FTO: variants seen among roughly 807,000 people sequenced by gnomAD.
FTO encodes the protein FTO alpha-ketoglutarate dependent dioxygenase, also known as alpha-ketoglutarate-dependent dioxygenase FTO.
Under a neutral mutation model 63.9 loss-of-function variants are expected in FTO, and 47 were observed. That is an observed-to-expected ratio of 0.74 (90% CI 0.58 to 0.94). The LOEUF (loss-of-function observed/expected upper bound fraction) is 0.94, where lower values mean the gene tolerates loss of function less well. Ranked by LOEUF, FTO falls within the 40% of genes least tolerant of loss-of-function variation. FTO has a pLI of 0.00. For missense variants in FTO, 562 were observed against 618.1 expected (o/e 0.91, Z 0.96); for synonymous variants, 207 against 224.4 (o/e 0.92, Z 0.69).
intron 1 of FTO, among the ~76,000 whole-genome samples, chr16:53,764,864 C>T (rs1176579430): frequency 6.6e-6 from 1 of 151,936 alleles, no homozygotes; most frequent in African/African-American, 2.4e-5. Flanking sequence ...GGATTACAGG[C>T]GCATGTCACC....
chr16:53,980,763 G>A (rs1340367641), intron 8 of FTO, among the ~76,000 whole-genome samples: 2 of 152,206 alleles, frequency 1.3e-5, no homozygotes, highest in Non-Finnish European at 2.9e-5. Flanking sequence ...AAGTTCCTAA[G>A]TAAAGAAGCT....
rs559407164 is a variant in FTO at position 54,111,654 on chromosome 16, C to T, written c.1365-108C>T. The T allele has an allele frequency of 2.8e-5, 33 of 1,183,564 alleles. No individual in the cohort carries two copies. In the East Asian group the frequency reaches 4.2e-4, roughly 15 times the overall value. 73.3% of individuals were successfully genotyped at this position (1,183,564 alleles called of 1,614,324 possible). The stretch of plus-strand genomic sequence containing the variant: ...CAGTCGTCACCATGACCTTCACCCC[C>T]GAGGACTGTCTTTGGAGCATTGGCC... On this transcript the variant is annotated intron_variant, in intron 8 of 8. Transcript: ENST00000471389.
At position 54,065,098 on chromosome 16, in the gene FTO, CATTTTATTTTATTTT is replaced by C. The variant is rs36221204; in HGVS notation, c.1365-46619_1365-46605del. Among the ~76,000 whole-genome samples the C allele has an allele frequency of 7.6e-3, 933 of 122,454 alleles. 16 individuals are homozygous for C. The highest frequency in any genetic ancestry group is 0.027 in the African/African-American group (868 of 32,312). 80.3% of individuals were successfully genotyped at this position (122,454 alleles called of 152,430 possible). On this transcript the variant is annotated intron_variant, in intron 8 of 8. Coordinates refer to ENST00000471389, the MANE Select transcript of FTO (RefSeq NM_001080432.3). ...TGGGGACAGCTGAGTGTTAGCATAA[CATTTTATTTTATTTT>C]ATTTTATTTTATTTTATTTTATTTT...
chr16:54,015,526 CACAAATGCCCAT>C (rs1363577366), intron 8 of FTO, among the ~76,000 whole-genome samples: 7 of 151,850 alleles, frequency 4.6e-5, no homozygotes, highest in African/African-American at 1.7e-4. Flanking sequence ...ATGCCCATGG[CACAAATGCCCAT>C]GGCAAAAGGA....
intron 1 of FTO, among the ~76,000 whole-genome samples, chr16:53,761,119 C>T (rs1049879644): frequency 1.3e-5 from 2 of 150,760 alleles, no homozygotes; most frequent in African/African-American, 4.9e-5. Flanking sequence ...TTTCTGGAGA[C>T]AGGGTCTTGC....
chr16:53,804,430 G>A (rs939869954), intron 1 of FTO, among the ~76,000 whole-genome samples: 3 of 152,164 alleles, frequency 2.0e-5, no homozygotes, highest in Admixed American at 1.3e-4. Context: ...AAGTGAAAGA[G>A]TCTCCATTCA....
chr16:53,939,874 G>T (rs7203375), intron 8 of FTO, among the ~76,000 whole-genome samples: 93,641 of 151,946 alleles, frequency 0.62, 29,908 homozygotes, highest in African/African-American at 0.79. Flanking sequence ...CTGATGGGCA[G>T]TTGGGTTGTT....
intron 8 of FTO, among the ~76,000 whole-genome samples, chr16:53,968,678 C>T (rs1461904255): frequency 6.6e-6 from 1 of 152,132 alleles, no homozygotes; most frequent in African/African-American, 2.4e-5. Flanking sequence ...AATCTTGTAC[C>T]AACACATGTG....
intron 8 of FTO, among the ~76,000 whole-genome samples, chr16:53,970,270 A>G (rs2083285812): frequency 6.6e-6 from 1 of 152,160 alleles, no homozygotes; most frequent in African/African-American, 2.4e-5. Context: ...GGCAGGTGAC[A>G]TACAAGAGGG....
chr16:53,726,931 G>A (rs1194931038), intron 1 of FTO, among the ~76,000 whole-genome samples: 1 of 152,164 alleles, frequency 6.6e-6, no homozygotes, highest in African/African-American at 2.4e-5. Context: ...ATCAAGGTTT[G>A]AAACCTCTGT....
chr16:54,009,796 C>T (rs1225707118), intron 8 of FTO, among the ~76,000 whole-genome samples: 1 of 152,202 alleles, frequency 6.6e-6, no homozygotes, highest in South Asian at 2.1e-4. Flanking sequence ...AGCAAGTCAT[C>T]TCCTTTCCTG....
intron 4 of FTO, among the ~76,000 whole-genome samples, chr16:53,855,944 A>G (rs1381335940): frequency 1.3e-5 from 2 of 152,132 alleles, no homozygotes; most frequent in East Asian, 3.8e-4. Context: ...TTGTTCTCTC[A>G]TATTTCATTC....
rs139347511 is a variant in FTO, at chr16:53,995,895, C to T, written c.1364+61786C>T. On this transcript the variant is annotated intron_variant, in intron 8 of 8. Transcript: ENST00000471389. ...CAAGTCAGGGGCTGTGTGACAAGTT[C>T]TGACCTGTGAGACACAAGGCCAAGT... 7.0e-3 allele frequency among the ~76,000 whole-genome samples: 1,071 copies of T among 152,234 alleles called. 16 individuals carry two copies. The highest frequency in any genetic ancestry group is 0.024 in the African/African-American group (981 of 41,536).
At chr16:53,862,299 G>A (rs918642335) in intron 4 of FTO, among the ~76,000 whole-genome samples, 5 of 151,972 alleles carry the variant, frequency 3.3e-5, no homozygotes, top group African/African-American at 9.7e-5. Flanking sequence ...TATGGATATC[G>A]TTCTGTGACC....
rs200195198 is a variant in FTO, at chr16:53,979,020, C to T, written c.1364+44911C>T. Among the ~76,000 whole-genome samples the T allele has an allele frequency of 2.0e-5, 3 of 151,888 alleles. No homozygotes were observed. In the East Asian group the frequency reaches 5.8e-4, roughly 29 times the overall value. ...TCTCAAAAAAAAACCAAAAAAGTAC[C>T]CATAATCCTACCACCCAGAAGGTTA... On this transcript the variant is annotated intron_variant, in intron 8 of 8. Transcript: ENST00000471389.
rs376960649 is a variant in FTO at position 53,830,627 on chromosome 16, C to T, written c.751+4136C>T. The stretch of plus-strand genomic sequence containing the variant: ...AAGGAGCCAGGAAGGCAGCTGGGCG[C>T]GGAGGCTCACAACTGTAATCCCAGC... On this transcript the variant is annotated intron_variant, in intron 3 of 8. Coordinates refer to ENST00000471389, the MANE Select transcript of FTO (RefSeq NM_001080432.3). 1.1e-3 allele frequency among the ~76,000 whole-genome samples: 160 copies of T among 152,252 alleles called. 2 individuals are homozygous for T. Among genetic ancestry groups the T allele is most frequent in the African/African-American group, 9.6e-5 (4 of 41,550 alleles).
chr16:53,753,973 A>G (rs559950491), intron 1 of FTO, among the ~76,000 whole-genome samples: 1 of 152,304 alleles, frequency 6.6e-6, no homozygotes, highest in South Asian at 2.1e-4. Context: ...TTTGCTTTAT[A>G]CAATTGACGT....
chr16:53,951,256 C>A (rs2082793929), intron 8 of FTO, among the ~76,000 whole-genome samples: 1 of 152,190 alleles, frequency 6.6e-6, no homozygotes. Context: ...ACAATGCTCA[C>A]ATTACTAGGA....
chr16:53,822,628 G>T (rs1446887213), intron 2 of FTO, among the ~76,000 whole-genome samples: 1 of 151,998 alleles, frequency 6.6e-6, no homozygotes, highest in Admixed American at 6.5e-5. Context: ...TGTGCTGGTG[G>T]TAGTACTCAT....
Sources: allele counts gnomAD v4.1 joint callset (sites outside exome capture counted in the v4.1 genomes callset), GRCh38; gene constraint gnomAD v4.1.1; transcripts MANE v1.5; gene names NCBI Gene and HGNC (gene_info 2026-07-23, HGNC 2026-07-21).